Variants in HDGFL3 observed in about 807,000 individuals in gnomAD.
HDGFL3 encodes hepatoma-derived growth factor-related protein 3.
HDGFL3 carries 6 observed loss-of-function variants against 27.6 expected under a neutral mutation model. That is an observed-to-expected ratio of 0.22 (90% CI 0.12 to 0.43). The LOEUF is 0.43. Among genes scored for constraint, HDGFL3 ranks in the 20% least tolerant of loss-of-function variants. The pLI is 1.00. For missense variants in HDGFL3, 207 were observed against 250.1 expected (o/e 0.83, Z 1.16); for synonymous variants, 88 against 88.9 (o/e 0.99, Z 0.05).
At chr15:83,196,723 GA>G (rs1186648861) in intron 1 of HDGFL3, among the ~76,000 whole-genome samples, 2 of 151,860 alleles carry the variant, frequency 1.3e-5, no homozygotes, top group Admixed American at 6.6e-5. Flanking sequence ...ATGATTTAGA[GA>G]AAAAAATAGA....
chr15:83,124,726 T>C, downstream of HDGFL3: 1 of 1,614,172 alleles, frequency 6.2e-7, no homozygotes, highest in Admixed American at 1.7e-5. Flanking sequence ...TGATTTAATG[T>C]TGGTTGTGTG....
chr15:83,122,335 A>G (rs913226542), intron 3 of HDGFL3, among the ~76,000 whole-genome samples: 10 of 152,204 alleles, frequency 6.6e-5, no homozygotes, highest in African/African-American at 2.2e-4. Context: ...GAGAACTCCA[A>G]AAATGTACTT....
Position 83,134,206 on chromosome 15 carries a change from T to G in HDGFL3, c.*5064A>C, listed in dbSNP as rs953938824. ...GTACCTGCCCAGTGGGCTTACAATC[T>G]AATCTAAGGACATGAATCTTTTTTT... On this transcript the variant is annotated 3_prime_UTR_variant, in exon 6 of 6. Coordinates refer to ENST00000299633, the MANE Select transcript of HDGFL3 (RefSeq NM_016073.4). The G allele has an allele frequency of 6.6e-6, 1 of 151,886 alleles. No homozygotes were observed. The highest frequency in any genetic ancestry group is 1.5e-5 in the Non-Finnish European group (1 of 67,990). 9.4% of individuals were successfully genotyped at this position (151,886 alleles called of 1,614,324 possible). A position where few individuals can be genotyped will look rare whatever the true frequency, so the allele number is the denominator to read the frequency against.
At chr15:83,151,113 C>A in intron 5 of HDGFL3, 102 bp downstream of exon 5, 1 of 1,073,130 alleles carries the variant, frequency 9.3e-7, no homozygotes, top group Non-Finnish European at 1.4e-6. Context: ...AATACTTCTC[C>A]ATTTATCAAC....
intron 1 of HDGFL3, among the ~76,000 whole-genome samples, chr15:83,196,575 G>C (rs535802582): frequency 8.6e-5 from 13 of 151,932 alleles, no homozygotes; most frequent in Non-Finnish European, 1.2e-4. Context: ...AATATGACCT[G>C]AGGAAAACTA....
At chr15:83,174,517 A>G (rs2037285898) in intron 1 of HDGFL3, among the ~76,000 whole-genome samples, 2 of 140,086 alleles carry the variant, frequency 1.4e-5, no homozygotes, top group Admixed American at 1.4e-4. Flanking sequence ...AAAAACCTCA[A>G]AATGAATCTG....
chr15:83,189,281 T>C (rs2037482602), intron 1 of HDGFL3: 1 of 152,126 alleles, frequency 6.6e-6, no homozygotes, highest in African/African-American at 2.4e-5. Flanking sequence ...AACTCTCCTA[T>C]GACTTTCCAT....
At chr15:83,113,443 T>A (rs575734589) in exon 4 of HDGFL3, 1 of 154,576 alleles carries the variant, frequency 6.5e-6, no homozygotes, top group South Asian at 2.0e-4. Flanking sequence ...CTAAGAAATG[T>A]GGCAAAGGTC....
At chr15:83,121,520 T>G (rs1364934658) in intron 3 of HDGFL3, among the ~76,000 whole-genome samples, 1 of 152,228 alleles carries the variant, frequency 6.6e-6, no homozygotes, top group Non-Finnish European at 1.5e-5. Flanking sequence ...CCATTTAACA[T>G]TATCATTGTA....
rs1237618011 is a variant in HDGFL3, at chr15:83,131,742, A to G, written c.*7528T>C. On this transcript the variant is annotated 3_prime_UTR_variant, in exon 6 of 6. Coordinates refer to ENST00000299633, the MANE Select transcript of HDGFL3 (RefSeq NM_016073.4). ...AATCAAAAGATCAAGGAAAGAGTAA[A>G]AGAAGATTGAATAAAATGAAACCAG... 2 of 152,232 alleles carry G rather than the reference A, an allele frequency of 1.3e-5. No individual in the cohort carries two copies. Among genetic ancestry groups the G allele is most frequent in the Non-Finnish European group, 2.9e-5 (2 of 68,042 alleles). The allele number at this position is 152,232 out of a possible 1,614,324, so 9.4% of individuals were successfully genotyped here.
intron 2 of HDGFL3, among the ~76,000 whole-genome samples, chr15:83,159,523 G>A (rs975316884): frequency 6.6e-6 from 1 of 152,034 alleles, no homozygotes; most frequent in African/African-American, 2.4e-5. Flanking sequence ...TGGGGGTTTG[G>A]ACAATAAAAA....
At chr15:83,145,861 CTTT>C (rs1182072065) in intron 5 of HDGFL3, among the ~76,000 whole-genome samples, 2 of 66,872 alleles carry the variant, frequency 3.0e-5, no homozygotes, top group Admixed American at 1.5e-4. Context: ...TTTGTTCTTT[CTTT>C]TTTTTTTTTC....
chr15:83,177,624 T>C (rs918549693), intron 1 of HDGFL3, among the ~76,000 whole-genome samples: 3 of 152,226 alleles, frequency 2.0e-5, no homozygotes, highest in Non-Finnish European at 2.9e-5. Flanking sequence ...GTCATGTTAA[T>C]CAATGGATAA....
intron 3 of HDGFL3, chr15:83,121,914 G>A (rs368217801): frequency 6.3e-7 from 1 of 1,592,188 alleles, no homozygotes; most frequent in Non-Finnish European, 8.5e-7. Flanking sequence ...TGTTGTTGTT[G>A]TTACAGGGAA....
intron 4 of HDGFL3, among the ~76,000 whole-genome samples, chr15:83,154,637 CAG>C (rs2037006514): frequency 6.6e-6 from 1 of 152,086 alleles, no homozygotes; most frequent in South Asian, 2.1e-4. Context: ...GAAGGGAAAA[CAG>C]GGATTTAATG....
chr15:83,190,287 A>C (rs185523539), intron 1 of HDGFL3, among the ~76,000 whole-genome samples: 8 of 151,876 alleles, frequency 5.3e-5, no homozygotes, highest in Non-Finnish European at 1.2e-4. Flanking sequence ...ATTCTTGTAC[A>C]TATCTTCTGT....
Position 83,128,985 on chromosome 15 carries a change from C to T in HDGFL3, c.*10285G>A, listed in dbSNP as rs566832762. ...AGCTGGGACTACAGACATACACCAC[C>T]GCACACAGCTAATTTTTAAATTTTT... On this transcript the variant is annotated 3_prime_UTR_variant, in exon 6 of 6. Coordinates refer to ENST00000299633, the MANE Select transcript of HDGFL3 (RefSeq NM_016073.4). 8 of 152,254 alleles carry T rather than the reference C, an allele frequency of 5.3e-5. No homozygotes were observed. The highest frequency in any genetic ancestry group is 1.9e-4 in the African/African-American group (8 of 41,530). 9.4% of individuals were successfully genotyped at this position (152,254 alleles called of 1,614,324 possible).
In HDGFL3 at chr15:83,134,235, T is replaced by C. The variant is rs918323005; in HGVS notation, c.*5035A>G. 1.3e-5 allele frequency: 2 copies of C among 152,108 alleles called. No homozygotes were observed. Among genetic ancestry groups the C allele is most frequent in the African/African-American group, 4.8e-5 (2 of 41,400 alleles). 9.4% of individuals were successfully genotyped at this position (152,108 alleles called of 1,614,324 possible). A position where few individuals can be genotyped will look rare whatever the true frequency, so the allele number is the denominator to read the frequency against. On this transcript the variant is annotated 3_prime_UTR_variant, in exon 6 of 6. Coordinates refer to ENST00000299633, the MANE Select transcript of HDGFL3 (RefSeq NM_016073.4). ...CTAAGGACATGAATCTTTTTTTTTT[T>C]TTAAAGACAGAGTCTCACTCTGTCA...
intron 1 of HDGFL3, among the ~76,000 whole-genome samples, chr15:83,185,544 C>T (rs557166177): frequency 6.6e-6 from 1 of 152,136 alleles, no homozygotes; most frequent in Non-Finnish European, 1.5e-5. Flanking sequence ...TGTCTTAAAT[C>T]CCGTCAAAGA....
Sources: allele counts gnomAD v4.1 joint callset (sites outside exome capture counted in the v4.1 genomes callset), GRCh38; gene constraint gnomAD v4.1.1; transcripts MANE v1.5; gene names NCBI Gene and HGNC (gene_info 2026-07-23, HGNC 2026-07-21).